The following MEOX2 variants were observed in gnomAD, a reference collection of about 807,000 sequenced individuals.
MEOX2 encodes homeobox protein MOX-2.
A neutral mutation model predicts 27.0 loss-of-function variants in MEOX2; 11 were observed. The ratio of observed to expected loss-of-function variants is 0.41; its 90% CI spans 0.26 to 0.68. The LOEUF is 0.68. MEOX2 is among the 30% of genes least tolerant of loss of function. MEOX2 has a pLI of 0.33. For missense variants in MEOX2, 436 were observed against 385.4 expected (o/e 1.13, Z -1.10); for synonymous variants, 189 against 155.4 (o/e 1.22, Z -1.61).
At chr7:15,672,024 C>T (rs1049072021) in intron 1 of MEOX2, among the ~76,000 whole-genome samples, 3 of 151,616 alleles carry the variant, frequency 2.0e-5, no homozygotes, top group Non-Finnish European at 4.4e-5. Context: ...ACCCAGGAGG[C>T]GGGGGTTGCA....
At chr7:15,671,471 C>G (rs1373359576) in intron 1 of MEOX2, among the ~76,000 whole-genome samples, 2 of 152,120 alleles carry the variant, frequency 1.3e-5, no homozygotes, top group African/African-American at 4.8e-5. Context: ...CACAAGTAAA[C>G]TTATTGCACA....
chr7:15,640,574 T>C lies in MEOX2; in HGVS notation c.518-13656A>G, dbSNP rs1050763782. Among the ~76,000 whole-genome samples, 4 of 152,124 alleles carry C rather than the reference T, an allele frequency of 2.6e-5. No individual in the cohort carries two copies. The East Asian group carries it at 7.7e-4, about 29-fold the overall frequency. ...TACTATGTTGAATGTTGAATAGCAA[T>C]GGTGAGAGTGGGCATACTTTTCTTC... On this transcript the variant is annotated intron_variant, in intron 1 of 2. Coordinates refer to ENST00000262041, the MANE Select transcript of MEOX2 (RefSeq NM_005924.5).
chr7:15,625,366 T>A (rs1037628422), intron 2 of MEOX2, among the ~76,000 whole-genome samples: 7 of 152,144 alleles, frequency 4.6e-5, no homozygotes, highest in Non-Finnish European at 1.0e-4. Context: ...GGAAGGAAAA[T>A]GCTGTGCTCC....
At chr7:15,667,289 C>CAAAAAAAAAAAAAAAAAAAAAAA (rs532691969) in intron 1 of MEOX2, among the ~76,000 whole-genome samples, 6 of 40,978 alleles carry the variant, frequency 1.5e-4, no homozygotes, top group Non-Finnish European at 2.1e-4. Context: ...GACTCTGTCT[C>CAAAAAAAAAAAAAAAAAAAAAAA]AAAAAAAAAA....
intron 2 of MEOX2, among the ~76,000 whole-genome samples, chr7:15,615,292 G>A (rs531527643): frequency 6.6e-6 from 1 of 152,134 alleles, no homozygotes; most frequent in South Asian, 2.1e-4. Context: ...ACACAGAAAG[G>A]AAACCCTGGT....
chr7:15,641,791 C>A (rs1005227256), intron 1 of MEOX2, among the ~76,000 whole-genome samples: 7 of 152,008 alleles, frequency 4.6e-5, no homozygotes, highest in Non-Finnish European at 8.8e-5. Flanking sequence ...TTGAGCATTT[C>A]TTGAAGGTCT....
At chr7:15,667,305 A>AAAAAAAAAAAAAAAAAG in intron 1 of MEOX2, among the ~76,000 whole-genome samples, 1 of 149,480 alleles carries the variant, frequency 6.7e-6, no homozygotes, top group Admixed American at 6.7e-5. Flanking sequence ...AAAAAAAAAA[A>AAAAAAAAAAAAAAAAAG]AAAAAAAGTA....
intron 1 of MEOX2, among the ~76,000 whole-genome samples, chr7:15,632,539 T>C (rs1022073728): frequency 6.6e-6 from 1 of 151,886 alleles, no homozygotes; most frequent in African/African-American, 2.4e-5. Flanking sequence ...AATGTCATGA[T>C]TAATGTGCAA....
At chr7:15,673,597 CAAAAAA>C (rs35223717) in intron 1 of MEOX2, among the ~76,000 whole-genome samples, 35 of 76,194 alleles carry the variant, frequency 4.6e-4, no homozygotes, top group Admixed American at 6.3e-4. Flanking sequence ...ACAAGTCTAT[CAAAAAA>C]AAAAAAAAAA....
chr7:15,659,167 TTTTTA>T (rs1426382483), intron 1 of MEOX2, among the ~76,000 whole-genome samples: 1 of 152,174 alleles, frequency 6.6e-6, no homozygotes, highest in Non-Finnish European at 1.5e-5. Context: ...GTCTGGCTAT[TTTTTA>T]TTTTATTTAT....
rs148992805 is a variant in MEOX2, at chr7:15,654,527, TG to T, written c.518-27610del. The stretch of plus-strand genomic sequence containing the variant: ...AGTCTTTCATCATTAGTATGTTAAT[TG>T]TAGGCTGCCAGTAAATTTATTTTTA... On this transcript the variant is annotated intron_variant, in intron 1 of 2. Transcript: ENST00000262041. Among the ~76,000 whole-genome samples the T allele has an allele frequency of 6.6e-5, 10 of 151,888 alleles. No homozygotes were observed. The East Asian group carries it at 1.9e-3, about 29-fold the overall frequency.
At chr7:15,657,489 G>T (rs1211820085) in intron 1 of MEOX2, among the ~76,000 whole-genome samples, 1 of 151,942 alleles carries the variant, frequency 6.6e-6, no homozygotes, top group Admixed American at 6.6e-5. Flanking sequence ...CATCCATTGA[G>T]ATTTTATTTT....
At chr7:15,656,872 G>A (rs1008292965) in intron 1 of MEOX2, among the ~76,000 whole-genome samples, 1 of 151,278 alleles carries the variant, frequency 6.6e-6, no homozygotes, top group African/African-American at 2.4e-5. Flanking sequence ...ATTCTTTCTG[G>A]GTAGTCCTGC....
At chr7:15,638,283 G>A (rs1267621270) in intron 1 of MEOX2, among the ~76,000 whole-genome samples, 1 of 152,074 alleles carries the variant, frequency 6.6e-6, no homozygotes, top group South Asian at 2.1e-4. Context: ...TAGCTTTGCT[G>A]CTAAAAATTG....
chr7:15,626,692 C>T (rs995019825), intron 2 of MEOX2, 54 bp downstream of exon 2: 21 of 1,329,704 alleles, frequency 1.6e-5, no homozygotes, highest in Non-Finnish European at 7.4e-6. Context: ...GCAAAGAAGA[C>T]TGTGGACCCA....
At chr7:15,638,171 C>T (rs1781512928) in intron 1 of MEOX2, among the ~76,000 whole-genome samples, 3 of 151,918 alleles carry the variant, frequency 2.0e-5, no homozygotes, top group African/African-American at 7.3e-5. Context: ...ATCCACAATC[C>T]TCATAATTTC....
At chr7:15,660,103 T>C (rs1562609067) in intron 1 of MEOX2, among the ~76,000 whole-genome samples, 1 of 152,168 alleles carries the variant, frequency 6.6e-6, no homozygotes, top group Non-Finnish European at 1.5e-5. Context: ...TAGGAGGAAG[T>C]GACTCCTGAA....
chr7:15,637,564 T>C (rs1781501134), intron 1 of MEOX2, among the ~76,000 whole-genome samples: 1 of 151,710 alleles, frequency 6.6e-6, no homozygotes, highest in South Asian at 2.1e-4. Context: ...ACATAAAACA[T>C]ACCATCTGCT....
chr7:15,656,031 C>G (rs1781814246), intron 1 of MEOX2, among the ~76,000 whole-genome samples: 1 of 151,658 alleles, frequency 6.6e-6, no homozygotes, highest in African/African-American at 2.4e-5. Context: ...TGAAGCTCTG[C>G]TTTTGGTGAA....
Sources: allele counts gnomAD v4.1 joint callset (sites outside exome capture counted in the v4.1 genomes callset), GRCh38; gene constraint gnomAD v4.1.1; transcripts MANE v1.5; gene names NCBI Gene and HGNC (gene_info 2026-07-23, HGNC 2026-07-21).